The following GSAP variants were observed in gnomAD, a reference collection of about 807,000 sequenced individuals.
GSAP encodes gamma-secretase-activating protein.
Under a neutral mutation model 131.7 loss-of-function variants are expected in GSAP, and 118 were observed. The ratio of observed to expected loss-of-function variants is 0.90; its 90% CI spans 0.77 to 1.04. The LOEUF (loss-of-function observed/expected upper bound fraction) is 1.04. Among genes scored for constraint, GSAP ranks in the 50% least tolerant of loss-of-function variants. The pLI is 0.00. For synonymous variants in GSAP, 381 were observed against 363.4 expected, an observed-to-expected ratio of 1.05 and a Z score of -0.55; for missense variants, 1,019 against 1,013.2, an observed-to-expected ratio of 1.01 and a Z score of -0.08.
intron 5 of GSAP, among the ~76,000 whole-genome samples, chr7:77,396,327 G>T (rs1478460772): frequency 2.0e-5 from 3 of 151,964 alleles, no homozygotes; most frequent in African/African-American, 7.3e-5. Flanking sequence ...TATTTACATG[G>T]TCTCTCTGGC....
intron 14 of GSAP, among the ~76,000 whole-genome samples, chr7:77,356,239 A>G (rs973154447): frequency 6.6e-6 from 1 of 152,232 alleles, no homozygotes; most frequent in Admixed American, 6.5e-5. Flanking sequence ...ATATTTAGCT[A>G]TGGTTATCTT....
chr7:77,312,108 TTA>T lies in GSAP; in HGVS notation c.2364_2365del (p.Tyr788Ter), dbSNP rs1562875972. 1 of 1,586,224 alleles carries T rather than the reference TTA, an allele frequency of 6.3e-7. No homozygotes were observed. Among genetic ancestry groups the T allele is most frequent in the South Asian group, 1.1e-5 (1 of 87,520 alleles). On this transcript the variant is annotated stop_gained and frameshift_variant, in exon 29 of 31. Coordinates refer to ENST00000257626, the MANE Select transcript of GSAP (RefSeq NM_017439.4). LOFTEE classifies it high-confidence loss of function. ...GCTTTCAGAGAAACTCACCTGTTTC[TTA>T]TAGTTCTGAAGCAGTCGCGTCACGT... is the stretch of plus-strand genomic sequence containing the variant.
chr7:77,364,167 C>T (rs1215729294), intron 12 of GSAP, among the ~76,000 whole-genome samples: 1 of 152,030 alleles, frequency 6.6e-6, no homozygotes, highest in Admixed American at 6.6e-5. Flanking sequence ...GTGCTTCTTA[C>T]ACAATTCTCA....
intron 3 of GSAP, among the ~76,000 whole-genome samples, chr7:77,403,990 G>A (rs1434965921): frequency 6.6e-6 from 1 of 152,132 alleles, no homozygotes; most frequent in Non-Finnish European, 1.5e-5. Context: ...GCAAATATTA[G>A]AAACAGGTGT....
intron 26 of GSAP, among the ~76,000 whole-genome samples, chr7:77,318,435 A>G (rs567844022): frequency 9.2e-5 from 14 of 152,342 alleles, no homozygotes; most frequent in Middle Eastern, 3.4e-3. Flanking sequence ...CCTAAAATGA[A>G]GCAATGAACA....
chr7:77,383,012 C>T (rs545823812), intron 6 of GSAP, among the ~76,000 whole-genome samples: 17 of 152,120 alleles, frequency 1.1e-4, no homozygotes, highest in Middle Eastern at 3.4e-3. Context: ...ATGGCAAGAC[C>T]GCATCTCTAC....
intron 24 of GSAP, among the ~76,000 whole-genome samples, chr7:77,321,628 C>T (rs1368962610): frequency 1.3e-5 from 2 of 152,158 alleles, no homozygotes. Flanking sequence ...TTTGTGTGGG[C>T]AGTGCCCCAG....
chr7:77,366,916 C>T (rs962220885), intron 12 of GSAP, among the ~76,000 whole-genome samples: 3 of 152,138 alleles, frequency 2.0e-5, no homozygotes, highest in Non-Finnish European at 4.4e-5. Context: ...TTGTAATTCT[C>T]ATTGTAGACA....
chr7:77,376,970 G>A (rs956582585), intron 9 of GSAP, 63 bp from the exon 10 acceptor site: 2 of 870,578 alleles, frequency 2.3e-6, no homozygotes, highest in African/African-American at 3.5e-5. Context: ...AAGCAGTCAA[G>A]AAGCAAAACT....
chr7:77,311,235 C>G lies in GSAP; in HGVS notation c.*123G>C. The G allele has an allele frequency of 1.5e-6, 1 of 676,548 alleles. No homozygotes were observed. The highest frequency in any genetic ancestry group is 2.6e-6 in the Non-Finnish European group (1 of 384,242). The allele number at this position is 676,548 out of a possible 1,614,324, so 41.9% of individuals were successfully genotyped here. A position where few individuals can be genotyped will look rare whatever the true frequency, so the allele number is the denominator to read the frequency against. ...GTGTACCAACCTGAAACTCACATGG[C>G]TAAACAATTATGGCTAAACTATTTT... On this transcript the variant is annotated 3_prime_UTR_variant, in exon 31 of 31. Transcript: ENST00000257626.
chr7:77,313,780 A>C (rs1242026746), intron 27 of GSAP, among the ~76,000 whole-genome samples: 1 of 152,258 alleles, frequency 6.6e-6, no homozygotes, highest in African/African-American at 2.4e-5. Context: ...TTAAAACAGA[A>C]GGTACCTTGA....
chr7:77,382,430 G>GA, intron 7 of GSAP, 144 bp downstream of exon 7: 1 of 526,060 alleles, frequency 1.9e-6, no homozygotes, highest in African/African-American at 1.9e-5. Context: ...CCTTCCCAAG[G>GA]AATTCCAGGT....
intron 28 of GSAP, among the ~76,000 whole-genome samples, chr7:77,312,524 G>A (rs1265360337): frequency 6.6e-6 from 1 of 152,160 alleles, no homozygotes; most frequent in African/African-American, 2.4e-5. Context: ...GGAAACTAAG[G>A]GGGGTACGCA....
chr7:77,369,446 GACAGCCGTCTTTA>G (rs1795800668), intron 12 of GSAP, among the ~76,000 whole-genome samples: 2 of 152,166 alleles, frequency 1.3e-5, no homozygotes, highest in Admixed American at 6.5e-5. Context: ...TTCCTTGGAA[GACAGCCGTCTTTA>G]TTTCTTAGTG....
chr7:77,367,847 G>C (rs762559791), intron 12 of GSAP, among the ~76,000 whole-genome samples: 2 of 152,004 alleles, frequency 1.3e-5, no homozygotes, highest in Admixed American at 6.6e-5. Context: ...TTTTTCGGTT[G>C]GTAGGTTATA....
chr7:77,332,574 G>A lies in GSAP; in HGVS notation c.1546-2207C>T, dbSNP rs576420904. Among the ~76,000 whole-genome samples the A allele has an allele frequency of 3.3e-5, 5 of 152,264 alleles. No homozygotes were observed. In the South Asian group the frequency reaches 1.0e-3, roughly 32 times the overall value. On this transcript the variant is annotated intron_variant, in intron 19 of 30. Coordinates refer to ENST00000257626, the MANE Select transcript of GSAP (RefSeq NM_017439.4). ...TGTGTTTGTATGAGCGCTCTTCTGG[G>A]TAGATGGTCTATAGCTTGTACCAGA...
Position 77,353,547 on chromosome 7 carries a change from A to G in GSAP, c.1408+25T>C, listed in dbSNP as rs758152229. 2.0e-6 allele frequency: 3 copies of G among 1,534,266 alleles called. No individual in the cohort carries two copies. In the East Asian group the frequency reaches 6.8e-5, roughly 35 times the overall value. On this transcript the variant is annotated intron_variant, in intron 17 of 30. Coordinates refer to ENST00000257626, the MANE Select transcript of GSAP (RefSeq NM_017439.4). ...AGCAAAAAGGTCAAGTATTCAACTT[A>G]AGCTGCAACATCAGCAACACTTACC... is the stretch of plus-strand genomic sequence containing the variant.
At position 77,329,107 on chromosome 7, in the gene GSAP, G is replaced by A. The variant is rs552129575; in HGVS notation, c.1733+226C>T. ...AATTATCCATTGTAAACATCTATCC[G>A]CAGGTTACAAGTCTATAAGGTTCAA... On this transcript the variant is annotated intron_variant, in intron 21 of 30. Transcript: ENST00000257626. Among the ~76,000 whole-genome samples the A allele has an allele frequency of 5.3e-5, 8 of 151,750 alleles. No individual in the cohort carries two copies. The East Asian group carries it at 5.8e-4, about 11-fold the overall frequency.
At chr7:77,386,540 C>A (rs1385000105) in intron 6 of GSAP, among the ~76,000 whole-genome samples, 2 of 152,174 alleles carry the variant, frequency 1.3e-5, no homozygotes, top group Non-Finnish European at 2.9e-5. Context: ...ACTCCTTAAC[C>A]TCATGGCCAA....
Sources: gnomAD v4.1 joint callset for allele counts (sites outside exome capture counted in the v4.1 genomes callset) on GRCh38, gnomAD v4.1.1 for gene constraint, MANE v1.5 for transcripts, NCBI Gene and HGNC (gene_info 2026-07-23, HGNC 2026-07-21) for gene names.